The following SHROOM4 variants were observed in gnomAD, a reference collection of about 807,000 sequenced individuals.
SHROOM4 encodes the protein protein Shroom4.
Under a neutral mutation model 80.3 loss-of-function variants are expected in SHROOM4, and 17 were observed. The ratio of observed to expected loss-of-function variants is 0.21; its 90% CI spans 0.14 to 0.32. The LOEUF (loss-of-function observed/expected upper bound fraction) is 0.32, where lower values mean the gene tolerates loss of function less well. Among genes scored for constraint, SHROOM4 ranks in the 10% least tolerant of loss-of-function variants. SHROOM4 has a pLI of 1.00. For synonymous variants in SHROOM4, 400 were observed against 437.5 expected, an observed-to-expected ratio of 0.91 and a Z score of 1.07; for missense variants, 993 against 1,140.3, an observed-to-expected ratio of 0.87 and a Z score of 1.86.
chrX:50,631,796 A>G (rs1374810201), intron 4 of SHROOM4, among the ~76,000 whole-genome samples: 22 of 111,821 alleles, frequency 2.0e-4, no homozygotes, highest in African/African-American at 6.2e-4. Flanking sequence ...TCTTAGGGAC[A>G]AATATCCCTG....
At chrX:50,664,192 A>C (rs1233672446) in intron 2 of SHROOM4, among the ~76,000 whole-genome samples, 3 of 111,859 alleles carry the variant, frequency 2.7e-5, no homozygotes, top group African/African-American at 9.7e-5. Context: ...ACATGTTTAA[A>C]GACTTGCCCA....
At chrX:50,723,867 A>G (rs1290816880) in intron 1 of SHROOM4, among the ~76,000 whole-genome samples, 3 of 110,959 alleles carry the variant, frequency 2.7e-5, no homozygotes, top group Non-Finnish European at 3.8e-5. Flanking sequence ...ACATTCTTTT[A>G]TGCACTCCTT....
At chrX:50,691,141 G>A (rs1047942761) in intron 2 of SHROOM4, among the ~76,000 whole-genome samples, 7 of 111,186 alleles carry the variant, frequency 6.3e-5, no homozygotes, top group African/African-American at 2.3e-4. Context: ...CTACTTTATT[G>A]TCAATTAAAT....
intron 2 of SHROOM4, among the ~76,000 whole-genome samples, chrX:50,652,156 A>G: frequency 8.9e-6 from 1 of 112,003 alleles, no homozygotes; most frequent in Non-Finnish European, 1.9e-5. Context: ...AGGAATCGCC[A>G]CACTATCTTC....
At chrX:50,708,718 G>T (rs6521873) in intron 1 of SHROOM4, among the ~76,000 whole-genome samples, 12,046 of 111,643 alleles carry the variant, frequency 0.11, 1,595 homozygotes, top group African/African-American at 0.37. Flanking sequence ...GCAAAATGAT[G>T]AAATGGTTGG....
intron 1 of SHROOM4, among the ~76,000 whole-genome samples, chrX:50,766,921 A>C (rs1205240073): frequency 8.9e-6 from 1 of 112,005 alleles, no homozygotes; most frequent in African/African-American, 3.2e-5. Context: ...ATGAACGAGG[A>C]AACAGCAAAT....
chrX:50,608,836 C>T (rs1168766639), intron 5 of SHROOM4, among the ~76,000 whole-genome samples: 2 of 112,246 alleles, frequency 1.8e-5, no homozygotes, highest in African/African-American at 6.5e-5. Context: ...TAACTCTCCA[C>T]TTCCATTCCC....
At chrX:50,618,599 G>A (rs1044003457) in intron 5 of SHROOM4, among the ~76,000 whole-genome samples, 2 of 110,148 alleles carry the variant, frequency 1.8e-5, no homozygotes, top group Non-Finnish European at 3.8e-5. Flanking sequence ...TGTTGGCCAG[G>A]TTGGTCTCGA....
intron 3 of SHROOM4, among the ~76,000 whole-genome samples, chrX:50,636,448 C>T (rs1482526002): frequency 9.0e-6 from 1 of 110,787 alleles, no homozygotes; most frequent in Non-Finnish European, 1.9e-5. Flanking sequence ...TACAATGTGC[C>T]GGACACTTTA....
At position 50,614,583 on chromosome X, in the gene SHROOM4, G is replaced by A. The variant is rs958816808; in HGVS notation, c.2958-6399C>T. On this transcript the variant is annotated intron_variant, in intron 5 of 8. Transcript: ENST00000376020. The stretch of plus-strand genomic sequence containing the variant: ...AAATAAAAAAAGTTAAAGAATTAAT[G>A]AGGGTATAAGGAAACAGGTGATCTT... Among the ~76,000 whole-genome samples the A allele has an allele frequency of 3.6e-5, 4 of 112,508 alleles. No individual in the cohort carries two copies. In the Admixed American group the frequency reaches 3.8e-4, roughly 11 times the overall value.
chrX:50,628,000 C>G (rs1472949836), intron 4 of SHROOM4, among the ~76,000 whole-genome samples: 4 of 112,362 alleles, frequency 3.6e-5, no homozygotes, highest in African/African-American at 1.3e-4. Flanking sequence ...TGCCCTGGCT[C>G]TTGCCTGCAC....
chrX:50,779,778 C>T (rs1347795386), intron 1 of SHROOM4, among the ~76,000 whole-genome samples: 1 of 112,084 alleles, frequency 8.9e-6, no homozygotes, highest in Non-Finnish European at 1.9e-5. Context: ...TCACCATCTG[C>T]AAAACACACA....
At chrX:50,763,776 T>C (rs1935212527) in intron 1 of SHROOM4, among the ~76,000 whole-genome samples, 1 of 111,478 alleles carries the variant, frequency 9.0e-6, no homozygotes, top group Non-Finnish European at 1.9e-5. Flanking sequence ...TGGGGAATAC[T>C]TATAAATTGG....
At chrX:50,652,398 A>T (rs1557258993) in intron 2 of SHROOM4, among the ~76,000 whole-genome samples, 1 of 111,771 alleles carries the variant, frequency 8.9e-6, no homozygotes, top group Non-Finnish European at 1.9e-5. Context: ...GTCTGTTCAT[A>T]TCCTTCACCT....
chrX:50,706,201 T>G (rs1557263952), intron 1 of SHROOM4, among the ~76,000 whole-genome samples: 1 of 112,060 alleles, frequency 8.9e-6, no homozygotes, highest in East Asian at 2.8e-4. Flanking sequence ...GAGAGGCCTT[T>G]CCTGACCAAC....
rs1557253168 is a variant in SHROOM4 at position 50,626,890 on chromosome X, C to T, written c.2957+724G>A. On this transcript the variant is annotated intron_variant, in intron 5 of 8. Transcript: ENST00000376020. ...TCTTTTGCTCGTATTTCTCACCTTG[C>T]CCAGAAAAAGGCAGGACCTATATTA... Among the ~76,000 whole-genome samples, 6 of 111,428 alleles carry T rather than the reference C, an allele frequency of 5.4e-5. No homozygotes were observed. In the Admixed American group the frequency reaches 5.7e-4, roughly 11 times the overall value.
intron 2 of SHROOM4, among the ~76,000 whole-genome samples, chrX:50,669,590 C>T (rs1249911952): frequency 9.0e-6 from 1 of 111,684 alleles, no homozygotes; most frequent in Non-Finnish European, 1.9e-5. Flanking sequence ...CGTGAGCCAC[C>T]GTGCCTGGCC....
chrX:50,637,453 A>C (rs1557256329), intron 3 of SHROOM4, among the ~76,000 whole-genome samples: 1 of 112,660 alleles, frequency 8.9e-6, no homozygotes, highest in African/African-American at 3.2e-5. Flanking sequence ...TCCTCACTCA[A>C]ACAGGAGCCA....
At chrX:50,577,834 T>C in the SHROOM4 span, among the ~76,000 whole-genome samples, 100 of 111,328 alleles carry the variant, frequency 9.0e-4, no homozygotes, top group Non-Finnish European at 1.5e-3. Flanking sequence ...CCCTGCTCCA[T>C]TGTTCATTCA....
Sources: allele counts gnomAD v4.1 joint callset (sites outside exome capture counted in the v4.1 genomes callset), GRCh38; gene constraint gnomAD v4.1.1; transcripts MANE v1.5; gene names NCBI Gene and HGNC (gene_info 2026-07-23, HGNC 2026-07-21).